Variants in GLIS1 observed in about 807,000 individuals in gnomAD.
GLIS1 encodes zinc finger protein GLIS1.
Under a neutral mutation model 63.8 loss-of-function variants are expected in GLIS1, and 24 were observed. The ratio of observed to expected loss-of-function variants is 0.38; its 90% CI spans 0.27 to 0.53. The LOEUF is 0.53. Among genes scored for constraint, GLIS1 ranks in the 20% least tolerant of loss-of-function variants. GLIS1 has a pLI of 0.85. For synonymous variants in GLIS1, 450 were observed against 482.5 expected (o/e 0.93, Z 0.88); for missense variants, 1,036 against 1,074.1 (o/e 0.96, Z 0.50).
At chr1:53,571,427 A>G (rs1237656754) in intron 4 of GLIS1, among the ~76,000 whole-genome samples, 1 of 152,250 alleles carries the variant, frequency 6.6e-6, no homozygotes, top group African/African-American at 2.4e-5. Context: ...GAACAAGAAT[A>G]TTCACAGCAG....
chr1:53,599,581 G>A (rs1645294847), intron 3 of GLIS1, among the ~76,000 whole-genome samples: 1 of 152,242 alleles, frequency 6.6e-6, no homozygotes, highest in Non-Finnish European at 1.5e-5. Flanking sequence ...CTAAGACAAA[G>A]GCACAACTGA....
intron 3 of GLIS1, 63 bp downstream of exon 3, chr1:53,600,038 C>G: frequency 1.1e-6 from 1 of 950,152 alleles, no homozygotes; most frequent in Non-Finnish European, 1.4e-6. Context: ...GGAGGTGAGG[C>G]CTGAGGCCCA....
chr1:53,614,645 T>G (rs1354228273), intron 2 of GLIS1, among the ~76,000 whole-genome samples: 2 of 152,188 alleles, frequency 1.3e-5, no homozygotes, highest in African/African-American at 2.4e-5. Flanking sequence ...AAAGCGTAGA[T>G]GCAGGGAGGT....
chr1:53,718,985 C>T (rs898160673), intron 2 of GLIS1, among the ~76,000 whole-genome samples: 3 of 152,194 alleles, frequency 2.0e-5, no homozygotes, highest in African/African-American at 7.2e-5. Context: ...CCCTGGGCCA[C>T]TTCTGTGGGG....
Position 53,524,775 on chromosome 1 carries a change from A to G in GLIS1, c.1593+2T>C. The G allele has an allele frequency of 6.2e-7, 1 of 1,611,262 alleles. No individual in the cohort carries two copies. ...GAGGCCAGATGAGGAGGGCTGGCTT[A>G]CCTTCTTACGCACCTGCTGCTCTTT... On this transcript the variant is annotated splice_donor_variant, in intron 6 of 10. Coordinates refer to ENST00000628545, the MANE Select transcript of GLIS1 (RefSeq NM_001367484.1). LOFTEE classifies it high-confidence loss of function.
At chr1:53,554,560 A>T (rs1239155397) in intron 4 of GLIS1, among the ~76,000 whole-genome samples, 1 of 152,190 alleles carries the variant, frequency 6.6e-6, no homozygotes, top group Non-Finnish European at 1.5e-5. Context: ...CAAGTAGGGC[A>T]CTACAGGACT....
chr1:53,556,603 G>GCAGA, intron 4 of GLIS1, among the ~76,000 whole-genome samples: 1 of 149,360 alleles, frequency 6.7e-6, no homozygotes, highest in South Asian at 2.2e-4. Flanking sequence ...GTTTGTGTGT[G>GCAGA]TGTGCAGGTG....
At chr1:53,576,495 T>C (rs949575804) in intron 4 of GLIS1, among the ~76,000 whole-genome samples, 1 of 152,126 alleles carries the variant, frequency 6.6e-6, no homozygotes, top group Non-Finnish European at 1.5e-5. Flanking sequence ...TGCCTCTTCT[T>C]CCAGCTAGTT....
intron 2 of GLIS1, among the ~76,000 whole-genome samples, chr1:53,657,840 A>G (rs1111658): frequency 0.25 from 37,616 of 151,894 alleles, 4,704 homozygotes; most frequent in East Asian, 0.37. Context: ...GGTGATTGAA[A>G]CCACTCAGTT....
intron 2 of GLIS1, among the ~76,000 whole-genome samples, chr1:53,623,638 G>C (rs993029231): frequency 3.3e-5 from 5 of 152,024 alleles, no homozygotes; most frequent in African/African-American, 1.2e-4. Flanking sequence ...AAGTCCTATG[G>C]AATCTCTAAA....
At chr1:53,709,752 G>A (rs1166090511) in intron 2 of GLIS1, among the ~76,000 whole-genome samples, 1 of 152,156 alleles carries the variant, frequency 6.6e-6, no homozygotes, top group Non-Finnish European at 1.5e-5. Flanking sequence ...TCTGCATAGT[G>A]TAGTGCAGAG....
chr1:53,556,142 G>GC (rs1569820142), intron 4 of GLIS1, among the ~76,000 whole-genome samples: 8 of 139,056 alleles, frequency 5.8e-5, no homozygotes, highest in African/African-American at 1.1e-4. Flanking sequence ...GTGTGTGTGT[G>GC]TGGTGTACTG....
intron 2 of GLIS1, among the ~76,000 whole-genome samples, chr1:53,713,631 G>A (rs905876852): frequency 6.6e-6 from 1 of 152,152 alleles, no homozygotes; most frequent in Admixed American, 6.5e-5. Flanking sequence ...ACTTACTGGC[G>A]CACACCTATA....
chr1:53,698,104 C>T (rs760948865), intron 2 of GLIS1, among the ~76,000 whole-genome samples: 5 of 131,328 alleles, frequency 3.8e-5, no homozygotes, highest in Non-Finnish European at 4.6e-5. Context: ...CCAGACCAGA[C>T]AGCAAACAAA....
At chr1:53,515,941 G>T (rs1318927550) in intron 7 of GLIS1, among the ~76,000 whole-genome samples, 1 of 152,022 alleles carries the variant, frequency 6.6e-6, no homozygotes, top group African/African-American at 2.4e-5. Context: ...ATCTCTCTAG[G>T]AAGTGGCCAG....
chr1:53,688,126 T>A (rs1646360933), intron 2 of GLIS1, among the ~76,000 whole-genome samples: 1 of 152,170 alleles, frequency 6.6e-6, no homozygotes, highest in Non-Finnish European at 1.5e-5. Context: ...TGGCCCTGTG[T>A]GTGGCGTGCT....
chr1:53,506,721 AGATGGCTGCTGTG>A lies in GLIS1; in HGVS notation c.2273_2285del (p.Pro758LeufsTer63), dbSNP rs1402514988. ...CGGGGCCGCTGGACACCACATCTTCAGATGGCTGCTGTGGCAGCGCTGTGGGGCATGAGGCCTC... is the reference window on the plus strand; with the variant it reads ...CGGGGCCGCTGGACACCACATCTTCAGCAGCGCTGTGGGGCATGAGGCCTC... On this transcript the variant is annotated frameshift_variant, in exon 11 of 11. Transcript: ENST00000628545. LOFTEE classifies it high-confidence loss of function. The A allele has an allele frequency of 2.5e-6, 4 of 1,613,158 alleles. No homozygotes were observed. The African/African-American group carries it at 4.0e-5, about 16-fold the overall frequency.
chr1:53,710,608 A>C (rs543636719), intron 2 of GLIS1, among the ~76,000 whole-genome samples: 1 of 152,294 alleles, frequency 6.6e-6, no homozygotes, highest in East Asian at 1.9e-4. Flanking sequence ...AGGATGAGAA[A>C]TTTTCAACAA....
At position 53,518,094 on chromosome 1, in the gene GLIS1, C is replaced by T. The variant is rs60792673; in HGVS notation, c.1726+2540G>A. 9.8e-4 allele frequency among the ~76,000 whole-genome samples: 150 copies of T among 152,326 alleles called. 1 individual carries two copies. The highest frequency in any genetic ancestry group is 3.4e-3 in the African/African-American group (142 of 41,572). ...GTTCCCTTCTCAGCCATCTGCCCTG[C>T]GGCCTGCAGAAGAACCCAGCAGGCC... On this transcript the variant is annotated intron_variant, in intron 7 of 10. Coordinates refer to ENST00000628545, the MANE Select transcript of GLIS1 (RefSeq NM_001367484.1).
Sources: allele counts gnomAD v4.1 joint callset (sites outside exome capture counted in the v4.1 genomes callset), GRCh38; gene constraint gnomAD v4.1.1; transcripts MANE v1.5; gene names NCBI Gene and HGNC (gene_info 2026-07-23, HGNC 2026-07-21).